RABGAP1L: variants seen among roughly 807,000 people sequenced by gnomAD.
The protein encoded by RABGAP1L is RAB GTPase activating protein 1 like.
RABGAP1L carries 63 observed loss-of-function variants against 137.7 expected under a neutral mutation model. The ratio of observed to expected loss-of-function variants is 0.46; its 90% CI spans 0.37 to 0.56. The LOEUF is 0.56. Among genes scored for constraint, RABGAP1L ranks in the 20% least tolerant of loss-of-function variants. The pLI, the probability that RABGAP1L is intolerant of heterozygous loss-of-function variation, is 0.00. For missense variants in RABGAP1L, 1,095 were observed against 1,244.0 expected (o/e 0.88, Z 1.80); for synonymous variants, 431 against 433.7 (o/e 0.99, Z 0.08).
intron 10 of RABGAP1L, among the ~76,000 whole-genome samples, chr1:174,288,264 G>T (rs1676250473): frequency 6.6e-6 from 1 of 151,750 alleles, no homozygotes; most frequent in East Asian, 1.9e-4. Context: ...GAATATTAGA[G>T]AATTCTGATT....
intron 19 of RABGAP1L, 46 bp from the exon 20 acceptor site, chr1:174,957,411 A>G (rs772956663): frequency 2.7e-6 from 4 of 1,488,810 alleles, no homozygotes; most frequent in African/African-American, 1.4e-5. Flanking sequence ...ATTTTTTTTC[A>G]TAAATGGTGT....
At chr1:174,949,281 G>A (rs981508276) in intron 19 of RABGAP1L, among the ~76,000 whole-genome samples, 6 of 152,312 alleles carry the variant, frequency 3.9e-5, no homozygotes, top group Admixed American at 6.5e-5. Flanking sequence ...TACTTTGGCT[G>A]CCCAATAGCA....
intron 13 of RABGAP1L, among the ~76,000 whole-genome samples, chr1:174,602,443 G>A (rs1350961320): frequency 6.6e-6 from 1 of 152,132 alleles, no homozygotes; most frequent in African/African-American, 2.4e-5. Flanking sequence ...AATAGCAGAG[G>A]AAAGACCACA....
At chr1:174,408,489 C>T (rs1649533060) in intron 13 of RABGAP1L, among the ~76,000 whole-genome samples, 1 of 152,086 alleles carries the variant, frequency 6.6e-6, no homozygotes, top group Non-Finnish European at 1.5e-5. Context: ...GTGTTGACTC[C>T]ATGTCTTTGT....
chr1:174,167,855 TGTC>T (rs1237995297), intron 1 of RABGAP1L, among the ~76,000 whole-genome samples: 6 of 152,206 alleles, frequency 3.9e-5, no homozygotes, highest in Admixed American at 3.3e-4. Context: ...TGCTTCAAGA[TGTC>T]GTAATTGTCA....
At chr1:174,693,684 C>T (rs61826959) in intron 15 of RABGAP1L, among the ~76,000 whole-genome samples, 16,257 of 151,994 alleles carry the variant, frequency 0.11, 972 homozygotes, top group East Asian at 0.22. Flanking sequence ...TGAGAGCTGA[C>T]TATATGGATG....
chr1:174,652,066 A>G (rs1311970767), intron 14 of RABGAP1L, among the ~76,000 whole-genome samples: 1 of 152,146 alleles, frequency 6.6e-6, no homozygotes, highest in East Asian at 1.9e-4. Context: ...GTTTGTCTGT[A>G]AAGTATTTTA....
chr1:174,723,198 C>G (rs1681714940), intron 17 of RABGAP1L, among the ~76,000 whole-genome samples: 1 of 152,164 alleles, frequency 6.6e-6, no homozygotes, highest in African/African-American at 2.4e-5. Flanking sequence ...CCTCAGCCTC[C>G]CAAGTAGCTG....
At chr1:174,934,339 C>T (rs1444740805) in intron 19 of RABGAP1L, among the ~76,000 whole-genome samples, 1 of 152,112 alleles carries the variant, frequency 6.6e-6, no homozygotes, top group Admixed American at 6.5e-5. Flanking sequence ...CCACCTGCCT[C>T]GGCCTCCCAG....
chr1:174,350,988 G>A (rs1571352433), intron 11 of RABGAP1L, among the ~76,000 whole-genome samples: 4 of 127,456 alleles, frequency 3.1e-5, no homozygotes, highest in Non-Finnish European at 5.0e-5. Context: ...ACTGAGGCAG[G>A]AGAATCAGGC....
chr1:174,384,236 A>T lies in RABGAP1L; in HGVS notation c.1560-9759A>T, dbSNP rs554413846. On this transcript the variant is annotated intron_variant, in intron 12 of 25. Coordinates refer to ENST00000681986, the MANE Select transcript of RABGAP1L (RefSeq NM_001366446.1). The stretch of plus-strand genomic sequence containing the variant: ...CTGGAAAAGTCAAAACTATCATCAT[A>T]GGAAGCATGTCAGTAGTTGTTAAGG... Among the ~76,000 whole-genome samples the T allele has an allele frequency of 6.6e-5, 10 of 152,346 alleles. No homozygotes were observed. The South Asian group carries it at 2.1e-3, about 32-fold the overall frequency.
chr1:174,395,371 A>G (rs1158288859), intron 13 of RABGAP1L, among the ~76,000 whole-genome samples: 2 of 152,068 alleles, frequency 1.3e-5, no homozygotes, highest in African/African-American at 2.4e-5. Flanking sequence ...CTATCACAGG[A>G]TGCTGCATGT....
At position 174,492,538 on chromosome 1, in the gene RABGAP1L, C is replaced by T. The variant is rs1429050333; in HGVS notation, c.1710+98393C>T. 2.0e-5 allele frequency among the ~76,000 whole-genome samples: 3 copies of T among 151,862 alleles called. No homozygotes were observed. In the South Asian group the frequency reaches 6.3e-4, roughly 32 times the overall value. On this transcript the variant is annotated intron_variant, in intron 13 of 25. Transcript: ENST00000681986. ...AGTTCTTTTGTAATTTTAGTAGAGA[C>T]GGGGTTTCACTGTGTTAGCCAGGCT...
In RABGAP1L at chr1:174,892,728, C is replaced by T. The variant is rs1442795475; in HGVS notation, c.2341-64729C>T. On this transcript the variant is annotated intron_variant, in intron 19 of 25. Transcript: ENST00000681986. ...TCAGGCTACCTCATTTCTTTGTTTTCTTTCTTTTTTTTTTTTTTGTGATGG... is the reference window on the plus strand; with the variant it reads ...TCAGGCTACCTCATTTCTTTGTTTTTTTTCTTTTTTTTTTTTTTGTGATGG... 8.1e-3 allele frequency: 3,199 copies of T among 395,476 alleles called. 124 individuals are homozygous for T. Among genetic ancestry groups the T allele is most frequent in the African/African-American group, 0.071 (2,873 of 40,390 alleles). The allele number at this position is 395,476 out of a possible 1,614,324, so 24.5% of individuals were successfully genotyped here.
chr1:174,254,947 C>A (rs1672995307), intron 7 of RABGAP1L, among the ~76,000 whole-genome samples: 5 of 152,186 alleles, frequency 3.3e-5, no homozygotes, highest in Admixed American at 2.6e-4. Flanking sequence ...AATTTGCACT[C>A]CTGCCAGCAG....
At chr1:174,239,766 C>T (rs1671628420) in intron 4 of RABGAP1L, among the ~76,000 whole-genome samples, 1 of 152,118 alleles carries the variant, frequency 6.6e-6, no homozygotes, top group Non-Finnish European at 1.5e-5. Context: ...AACAAATAAG[C>T]AGACCAGGTC....
At chr1:174,810,050 G>T (rs1470872354) in intron 18 of RABGAP1L, among the ~76,000 whole-genome samples, 4 of 152,016 alleles carry the variant, frequency 2.6e-5, no homozygotes, top group East Asian at 1.9e-4. Flanking sequence ...TCCATTTTTT[G>T]ATTACTAATT....
chr1:174,654,211 C>A (rs545878412), intron 14 of RABGAP1L, among the ~76,000 whole-genome samples: 1 of 152,338 alleles, frequency 6.6e-6, no homozygotes, highest in East Asian at 1.9e-4. Flanking sequence ...TGTGCTCAGT[C>A]ACAGCTCCTG....
intron 13 of RABGAP1L, among the ~76,000 whole-genome samples, chr1:174,458,424 G>A (rs1375388355): frequency 2.0e-5 from 3 of 151,936 alleles, no homozygotes; most frequent in African/African-American, 7.2e-5. Context: ...ACAGTAGAAT[G>A]TTGTGCTTTT....
Sources: allele counts gnomAD v4.1 joint callset (sites outside exome capture counted in the v4.1 genomes callset), GRCh38; gene constraint gnomAD v4.1.1; transcripts MANE v1.5; gene names NCBI Gene and HGNC (gene_info 2026-07-23, HGNC 2026-07-21).